Variants in FAM167A observed in about 807,000 individuals in gnomAD.
The protein encoded by FAM167A is family with sequence similarity 167 member A, also known as protein FAM167A.
FAM167A carries 23 observed loss-of-function variants against 14.9 expected under a neutral mutation model. The ratio of observed to expected loss-of-function variants is 1.55; its 90% CI spans 1.11 to 2.19. The LOEUF is 2.19. Among genes scored for constraint, FAM167A ranks in the 30% most tolerant of loss-of-function variants. The probability of loss-of-function intolerance (pLI) is 0.00; values close to 1 mark genes in which losing one functional copy is unlikely to be tolerated. For synonymous variants in FAM167A, 174 were observed against 117.7 expected (o/e 1.48, Z -3.10); for missense variants, 401 against 281.5 (o/e 1.42, Z -3.04).
intron 1 of FAM167A, among the ~76,000 whole-genome samples, chr8:11,455,534 G>C (rs111453179): frequency 0.011 from 1,564 of 136,576 alleles, 41 homozygotes; most frequent in African/African-American, 0.041. Context: ...TGCCCTGCTG[G>C]GTGTGTGAGT....
intron 2 of FAM167A, among the ~76,000 whole-genome samples, chr8:11,439,452 A>C (rs945177276): frequency 3.9e-5 from 6 of 152,256 alleles, no homozygotes; most frequent in Non-Finnish European, 8.8e-5. Flanking sequence ...GAGGGTTAAC[A>C]GGGAGAGGGC....
intron 2 of FAM167A, among the ~76,000 whole-genome samples, chr8:11,431,442 G>A (rs1369051325): frequency 6.6e-6 from 1 of 152,208 alleles, no homozygotes; most frequent in Non-Finnish European, 1.5e-5. Flanking sequence ...TTGGGAGGAT[G>A]AAGTTCTCGA....
chr8:11,467,118 C>A (rs1163984300), upstream of FAM167A, among the ~76,000 whole-genome samples: 1 of 152,244 alleles, frequency 6.6e-6, no homozygotes, highest in Non-Finnish European at 1.5e-5. Flanking sequence ...AGGGCCTCAC[C>A]CACCCCCAAA....
rs1284598932 is a variant in FAM167A, at chr8:11,421,631, C to T, written c.*2742G>A. Reference sequence around the variant, plus strand: ...TGCTACAGGGTGTGGGTCTTGAACTCGGTCAGGCATCGTCAAGCCTGCCCA... The same window carrying T: ...TGCTACAGGGTGTGGGTCTTGAACTTGGTCAGGCATCGTCAAGCCTGCCCA... On this transcript the variant is annotated 3_prime_UTR_variant, in exon 3 of 3. Coordinates refer to ENST00000284486, the MANE Select transcript of FAM167A (RefSeq NM_053279.3). The T allele has an allele frequency of 2.0e-5, 8 of 398,422 alleles. No homozygotes were observed. The highest frequency in any genetic ancestry group is 3.1e-5 in the Non-Finnish European group (7 of 226,034). 24.7% of individuals were successfully genotyped at this position (398,422 alleles called of 1,614,324 possible). A position where few individuals can be genotyped will look rare whatever the true frequency, so the allele number is the denominator to read the frequency against.
intron 2 of FAM167A, among the ~76,000 whole-genome samples, chr8:11,440,915 G>A (rs990503962): frequency 6.6e-6 from 1 of 152,212 alleles, no homozygotes; most frequent in African/African-American, 2.4e-5. Context: ...GGAAACCATG[G>A]CATTAAGTTT....
chr8:11,446,823 C>G, intron 1 of FAM167A, among the ~76,000 whole-genome samples: 1 of 152,232 alleles, frequency 6.6e-6, no homozygotes, highest in South Asian at 2.1e-4. Flanking sequence ...CCCTCCCAGG[C>G]GCCGTCTGCC....
chr8:11,457,468 C>T (rs1807380404), intron 1 of FAM167A, among the ~76,000 whole-genome samples: 1 of 152,034 alleles, frequency 6.6e-6, no homozygotes, highest in Non-Finnish European at 1.5e-5. Context: ...CAGCGCTCGC[C>T]TTCCTGGTGC....
rs2117084253 is a variant in FAM167A at position 11,443,925 on chromosome 8, G to A, written c.381+106C>T. On this transcript the variant is annotated intron_variant, in intron 2 of 2. Transcript: ENST00000284486. ...CACTTGGGGGTTAGAGAGAGGGGAAGAAATACATGGTGGGGGTGGGGAGAC... is the reference window on the plus strand; with the variant it reads ...CACTTGGGGGTTAGAGAGAGGGGAAAAAATACATGGTGGGGGTGGGGAGAC... The A allele has an allele frequency of 1.5e-5, 21 of 1,366,858 alleles. 1 individual carries two copies. The South Asian group carries it at 2.5e-4, about 16-fold the overall frequency. 84.7% of individuals were successfully genotyped at this position (1,366,858 alleles called of 1,614,324 possible).
intron 2 of FAM167A, among the ~76,000 whole-genome samples, chr8:11,432,496 T>C (rs965733881): frequency 6.6e-6 from 1 of 152,120 alleles, no homozygotes; most frequent in African/African-American, 2.4e-5. Context: ...ATTAGAGAAA[T>C]GCAAATCAAA....
chr8:11,432,543 G>C (rs1805684347), intron 2 of FAM167A, among the ~76,000 whole-genome samples: 2 of 152,192 alleles, frequency 1.3e-5, no homozygotes, highest in Non-Finnish European at 2.9e-5. Context: ...AGTTAGGATG[G>C]TGATCATTAA....
At chr8:11,469,912 AT>A (rs1280027795), upstream of FAM167A, among the ~76,000 whole-genome samples, 7 of 151,590 alleles carry the variant, frequency 4.6e-5, no homozygotes, top group South Asian at 2.1e-4. Flanking sequence ...AAATAAATAA[AT>A]AAATAAATAA....
intron 2 of FAM167A, among the ~76,000 whole-genome samples, chr8:11,428,142 G>A (rs1805315175): frequency 6.6e-6 from 1 of 152,212 alleles, no homozygotes. Flanking sequence ...TTTGGCCCCA[G>A]GAATTGCATC....
At position 11,421,961 on chromosome 8, in the gene FAM167A, T is replaced by G. The variant is rs1406382596; in HGVS notation, c.*2412A>C. The G allele has an allele frequency of 2.5e-6, 1 of 397,446 alleles. No individual in the cohort carries two copies. Among genetic ancestry groups the G allele is most frequent in the Non-Finnish European group, 4.4e-6 (1 of 225,820 alleles). 24.6% of individuals were successfully genotyped at this position (397,446 alleles called of 1,614,324 possible). On this transcript the variant is annotated 3_prime_UTR_variant, in exon 3 of 3. Coordinates refer to ENST00000284486, the MANE Select transcript of FAM167A (RefSeq NM_053279.3). ...GCAAAGTAAGGAAGCCAGTCAACAC[T>G]GGACGATGTTTAGAAAACATCGCTG...
Position 11,423,961 on chromosome 8 carries a change from T to C in FAM167A, c.*412A>G, listed in dbSNP as rs1419737734. On this transcript the variant is annotated 3_prime_UTR_variant, in exon 3 of 3. Coordinates refer to ENST00000284486, the MANE Select transcript of FAM167A (RefSeq NM_053279.3). ...AGACAGGCACATCTGACATGCCTAATTTCCCCCAAGGCCCTTGCGGGACAG... is the reference window on the plus strand; with the variant it reads ...AGACAGGCACATCTGACATGCCTAACTTCCCCCAAGGCCCTTGCGGGACAG... 1 of 198,026 alleles carries C rather than the reference T, an allele frequency of 5.0e-6. No homozygotes were observed. Among genetic ancestry groups the C allele is most frequent in the Non-Finnish European group, 1.0e-5 (1 of 95,722 alleles). 12.3% of individuals were successfully genotyped at this position (198,026 alleles called of 1,614,324 possible). A position where few individuals can be genotyped will look rare whatever the true frequency, so the allele number is the denominator to read the frequency against.
intron 1 of FAM167A, among the ~76,000 whole-genome samples, chr8:11,448,882 C>T (rs1806905737): frequency 6.6e-6 from 1 of 152,234 alleles, no homozygotes; most frequent in Admixed American, 6.5e-5. Flanking sequence ...TCCTCGTGGC[C>T]TCAGTTCCCT....
rs559349150 is a variant in FAM167A at position 11,428,237 on chromosome 8, G to A, written c.382-3601C>T. Among the ~76,000 whole-genome samples the A allele has an allele frequency of 5.9e-5, 9 of 152,310 alleles. No individual in the cohort carries two copies. In the South Asian group the frequency reaches 1.0e-3, roughly 18 times the overall value. On this transcript the variant is annotated intron_variant, in intron 2 of 2. Transcript: ENST00000284486. Reference sequence around the variant, plus strand: ...CTATCTGTGAGACGCAGGCTGTGGCGGACACATCTCTGTGGGGTAGCAGGA... The same window carrying A: ...CTATCTGTGAGACGCAGGCTGTGGCAGACACATCTCTGTGGGGTAGCAGGA...
chr8:11,470,335 G>C (rs942901774), upstream of FAM167A, among the ~76,000 whole-genome samples: 1 of 152,182 alleles, frequency 6.6e-6, no homozygotes, highest in Admixed American at 6.5e-5. Context: ...TCTAGGGAAA[G>C]GGTCAGTGCA....
Position 11,424,018 on chromosome 8 carries a change from G to C in FAM167A, c.*355C>G. 4.1e-6 allele frequency: 1 copy of C among 242,158 alleles called. No homozygotes were observed. The highest frequency in any genetic ancestry group is 8.1e-6 in the Non-Finnish European group (1 of 123,812). 15.0% of individuals were successfully genotyped at this position (242,158 alleles called of 1,614,324 possible). ...GCAAAAATGACAGCTTTGTTGGGGG[G>C]CCTCCCTTTGGGAATCCCAGTTCAT... On this transcript the variant is annotated 3_prime_UTR_variant, in exon 3 of 3. Coordinates refer to ENST00000284486, the MANE Select transcript of FAM167A (RefSeq NM_053279.3).
At chr8:11,455,282 G>T (rs1807193031) in intron 1 of FAM167A, among the ~76,000 whole-genome samples, 2 of 147,444 alleles carry the variant, frequency 1.4e-5, no homozygotes, top group Admixed American at 1.3e-4. Context: ...CTCTGTGTGT[G>T]TCTGGGGGGG....
Sources: gnomAD v4.1 joint callset for allele counts (sites outside exome capture counted in the v4.1 genomes callset) on GRCh38, gnomAD v4.1.1 for gene constraint, MANE v1.5 for transcripts, NCBI Gene and HGNC (gene_info 2026-07-23, HGNC 2026-07-21) for gene names.